PCDHA10: variants seen among roughly 807,000 people sequenced by gnomAD.
PCDHA10 encodes the protein protocadherin alpha 10, also known as protocadherin alpha-10.
Under a neutral mutation model 61.2 loss-of-function variants are expected in PCDHA10, and 45 were observed. That is an observed-to-expected ratio of 0.74 (90% confidence interval 0.58 to 0.94). The LOEUF (loss-of-function observed/expected upper bound fraction) is 0.94, where lower values mean the gene tolerates loss of function less well. Ranked by LOEUF, PCDHA10 falls within the 40% of genes least tolerant of loss-of-function variation. The pLI is 0.00. For missense variants in PCDHA10, 1,278 were observed against 1,236.2 expected, an observed-to-expected ratio of 1.03 and a Z score of -0.51; for synonymous variants, 602 against 548.8, an observed-to-expected ratio of 1.10 and a Z score of -1.35.
intron 1 of PCDHA10, among the ~76,000 whole-genome samples, chr5:140,898,530 T>A (rs1256781089): frequency 6.6e-6 from 1 of 152,228 alleles, no homozygotes; most frequent in African/African-American, 2.4e-5. Flanking sequence ...GAGGGCTCTG[T>A]TCTGTTCCAT....
intron 1 of PCDHA10, chr5:140,966,319 G>T: frequency 2.6e-6 from 1 of 388,824 alleles, no homozygotes; most frequent in Admixed American, 4.5e-5. Context: ...CCTGCGGTCC[G>T]CTGGGATCCG....
intron 1 of PCDHA10, among the ~76,000 whole-genome samples, chr5:140,905,962 G>A (rs2072248192): frequency 6.6e-6 from 1 of 152,198 alleles, no homozygotes; most frequent in Non-Finnish European, 1.5e-5. Flanking sequence ...TTCAAGGGGA[G>A]GAAGATCCAG....
rs547096956 is a variant in PCDHA10, at chr5:140,967,167, T to C, written c.2389-11782T>C. 6.2e-6 allele frequency: 10 copies of C among 1,611,120 alleles called. No homozygotes were observed. In the Admixed American group the frequency reaches 8.3e-5, roughly 13 times the overall value. ...CACAACCCCGTGGCGGTGAGCGCCG[T>C]TGAGGTGGAAATATTGGACATCAAC... is the stretch of plus-strand genomic sequence containing the variant. On this transcript the variant is annotated intron_variant, in intron 1 of 3. Transcript: ENST00000307360.
chr5:140,980,724 T>G (rs2096903192), intron 2 of PCDHA10, among the ~76,000 whole-genome samples: 1 of 152,176 alleles, frequency 6.6e-6, no homozygotes, highest in Non-Finnish European at 1.5e-5. Flanking sequence ...GGGTTTCAAT[T>G]AAGATATTAT....
At chr5:140,900,494 C>G (rs2068089293) in intron 1 of PCDHA10, among the ~76,000 whole-genome samples, 1 of 152,202 alleles carries the variant, frequency 6.6e-6, no homozygotes, top group Admixed American at 6.5e-5. Context: ...TCAGACTGGT[C>G]TCAAATTCCC....
At chr5:140,881,918 A>G (rs1263343700) in intron 1 of PCDHA10, 3 of 252,356 alleles carry the variant, frequency 1.2e-5, no homozygotes, top group Non-Finnish European at 2.3e-5. Flanking sequence ...TGTTGAGCAG[A>G]ATGCAGTGAT....
At position 141,009,997 on chromosome 5, in the gene PCDHA10, A is replaced by C; in HGVS notation, c.*60A>C. 1 of 1,576,442 alleles carries C rather than the reference A, an allele frequency of 6.3e-7. No individual in the cohort carries two copies. The highest frequency in any genetic ancestry group is 2.2e-5 in the East Asian group (1 of 44,650). On this transcript the variant is annotated 3_prime_UTR_variant, in exon 4 of 4. Transcript: ENST00000307360. ...TTTGTAATAATGGCAAATCTCTCCC[A>C]TGTAGCAATTCCCTGCTCCTTTTTC...
Position 140,857,205 on chromosome 5 carries a change from G to A in PCDHA10, c.1157G>A (p.Cys386Tyr). 1 of 1,598,596 alleles carries A rather than the reference G, an allele frequency of 6.3e-7. No individual in the cohort carries two copies. The highest frequency in any genetic ancestry group is 1.3e-5 in the African/African-American group (1 of 74,448). The change falls in exon 1 of 4, where the codon TGC (cysteine) becomes TAC (tyrosine). Residue 386 changes from cysteine (C) to tyrosine (Y), a missense_variant. Coordinates refer to ENST00000307360, the MANE Select transcript of PCDHA10 (RefSeq NM_018901.4). ...TCAGGAGCCAACGGACAGGTCACCT[G>A]CTCTCTGACGCCTCACGTTCCGTTC... ...HDSGANGQVT[C>Y]SLTPHVPFKL...
intron 1 of PCDHA10, among the ~76,000 whole-genome samples, chr5:140,951,377 G>T (rs2094577141): frequency 6.6e-6 from 1 of 152,070 alleles, no homozygotes; most frequent in Non-Finnish European, 1.5e-5. Context: ...AAACACCCAA[G>T]ACTCGGTAAT....
intron 1 of PCDHA10, among the ~76,000 whole-genome samples, chr5:140,875,148 G>T (rs1267290548): frequency 2.0e-5 from 3 of 152,118 alleles, no homozygotes; most frequent in Non-Finnish European, 4.4e-5. Context: ...TAAATGATCC[G>T]TGAAAAATAA....
At chr5:140,888,265 A>G (rs2061758269) in intron 1 of PCDHA10, among the ~76,000 whole-genome samples, 1 of 152,096 alleles carries the variant, frequency 6.6e-6, no homozygotes, top group Non-Finnish European at 1.5e-5. Flanking sequence ...TCTTGATAAG[A>G]AACAGTTTTG....
chr5:141,004,871 C>T (rs2098186149), intron 3 of PCDHA10, among the ~76,000 whole-genome samples: 2 of 152,126 alleles, frequency 1.3e-5, no homozygotes, highest in South Asian at 4.1e-4. Context: ...TGTTTCTCAT[C>T]CCTAAAGTGC....
At chr5:140,986,081 A>AT (rs2097186605) in intron 3 of PCDHA10, among the ~76,000 whole-genome samples, 1 of 152,010 alleles carries the variant, frequency 6.6e-6, no homozygotes, top group South Asian at 2.1e-4. Context: ...CTGTTCATTT[A>AT]TTTTCACAGT....
At chr5:140,965,061 G>A (rs76085486) in intron 1 of PCDHA10, among the ~76,000 whole-genome samples, 2,501 of 152,286 alleles carry the variant, frequency 0.016, 68 homozygotes, top group African/African-American at 0.056. Context: ...CATGCCAAAT[G>A]TCAGGTCTCA....
chr5:140,882,930 A>C, intron 1 of PCDHA10: 8 of 1,614,214 alleles, frequency 5.0e-6, no homozygotes, highest in Non-Finnish European at 6.8e-6. Context: ...GGTAAACCCG[A>C]GCTGACTGGC....
At chr5:140,881,729 A>G (rs2058810929) in intron 1 of PCDHA10, among the ~76,000 whole-genome samples, 1 of 152,206 alleles carries the variant, frequency 6.6e-6, no homozygotes. Flanking sequence ...CTTGAAAAAT[A>G]TTACAGGAAG....
chr5:140,891,230 T>G (rs1192105465), intron 1 of PCDHA10, among the ~76,000 whole-genome samples: 1 of 152,232 alleles, frequency 6.6e-6, no homozygotes, highest in Non-Finnish European at 1.5e-5. Flanking sequence ...AATCATCCTG[T>G]TCTGGATTCA....
In PCDHA10 at chr5:140,856,933, C is replaced by T; in HGVS notation, c.885C>T (p.Asn295=). 8 of 1,593,874 alleles carry T rather than the reference C, an allele frequency of 5.0e-6. No individual in the cohort carries two copies. The highest frequency in any genetic ancestry group is 6.0e-6 in the Non-Finnish European group (7 of 1,164,038). Residue 295 remains asparagine (N), a synonymous_variant, in exon 1 of 4, where the codon AAC becomes AAT. Transcript: ENST00000307360. ...CGATAAGAAGGAAATTTTGGATAAA[C>T]GAAAGGACGGGAGAAATAAAAGTAA... The part of the protein sequence containing the change: ...PPTIRRKFWI[N]ERTGEIKVND...
Position 140,870,112 on chromosome 5 carries a change from G to T in PCDHA10, c.2388+11676G>T, listed in dbSNP as rs781902121. ...AATGGCAGGTCACTGTACAGTCTGG[G>T]TGGAAATCTTGGACACCAACGATAA... On this transcript the variant is annotated intron_variant, in intron 1 of 3. Transcript: ENST00000307360. 2 of 1,613,938 alleles carry T rather than the reference G, an allele frequency of 1.2e-6. No homozygotes were observed. The highest frequency in any genetic ancestry group is 2.2e-5 in the South Asian group (2 of 91,080).
Sources: gnomAD v4.1 joint callset for allele counts (sites outside exome capture counted in the v4.1 genomes callset) on GRCh38, gnomAD v4.1.1 for gene constraint, MANE v1.5 for transcripts, NCBI Gene and HGNC (gene_info 2026-07-23, HGNC 2026-07-21) for gene names.